The following SHLD1 variants were observed in gnomAD, a reference collection of about 807,000 sequenced individuals.
The protein encoded by SHLD1 is shieldin complex subunit 1, also known as RINN1-REV7-interacting novel NHEJ regulator 3.
In SHLD1, 3 loss-of-function variants were observed where a neutral mutation model predicts 5.5. That is an observed-to-expected ratio of 0.54 (90% CI 0.25 to 1.40). The LOEUF is 1.40. Among genes scored for constraint, SHLD1 ranks in the 40% most tolerant of loss-of-function variants. SHLD1 has a pLI of 0.15. For missense variants in SHLD1, 210 were observed against 244.4 expected, an observed-to-expected ratio of 0.86 and a Z score of 0.94; for synonymous variants, 92 against 94.3, an observed-to-expected ratio of 0.98 and a Z score of 0.14.
intron 2 of SHLD1, among the ~76,000 whole-genome samples, chr20:5,802,661 T>C (rs1248519528): frequency 6.6e-6 from 1 of 152,144 alleles, no homozygotes; most frequent in Non-Finnish European, 1.5e-5. Context: ...TTCTTTTCAT[T>C]TTTTTGACAG....
At chr20:5,780,396 A>G (rs1985633279) in intron 2 of SHLD1, among the ~76,000 whole-genome samples, 1 of 152,170 alleles carries the variant, frequency 6.6e-6, no homozygotes, top group East Asian at 1.9e-4. Context: ...CTGGTGGCAC[A>G]GCACAGCCCA....
At chr20:5,767,088 T>G (rs1984873149) in intron 1 of SHLD1, among the ~76,000 whole-genome samples, 1 of 152,008 alleles carries the variant, frequency 6.6e-6, no homozygotes, top group African/African-American at 2.4e-5. Context: ...CCTTGTTGAC[T>G]CTCAGCTCCT....
intron 2 of SHLD1, among the ~76,000 whole-genome samples, chr20:5,814,879 C>T (rs574332447): frequency 6.6e-6 from 1 of 152,108 alleles, no homozygotes; most frequent in South Asian, 2.1e-4. Context: ...TCTCGAATTC[C>T]TGGGCTCAAG....
chr20:5,794,606 G>A (rs929089253), intron 2 of SHLD1, among the ~76,000 whole-genome samples: 10 of 152,118 alleles, frequency 6.6e-5, no homozygotes, highest in African/African-American at 1.2e-4. Context: ...TGAGTGTCAT[G>A]TATATTTGTC....
intron 2 of SHLD1, among the ~76,000 whole-genome samples, chr20:5,825,384 G>A (rs1306672320): frequency 1.3e-5 from 2 of 152,236 alleles, no homozygotes; most frequent in African/African-American, 2.4e-5. Flanking sequence ...TGGAGTCCTC[G>A]TTACAGTCTT....
intron 2 of SHLD1, among the ~76,000 whole-genome samples, chr20:5,860,876 TAAAAAAAAAAAAAAAAAAAAAA>T (rs10555301): frequency 3.0e-5 from 3 of 100,788 alleles, no homozygotes; most frequent in African/African-American, 3.6e-5. Context: ...TACTATTCTT[TAAAAAAAAAAAAAAAAAAAAAA>T]AAAAAAAAAA....
chr20:5,771,755 C>G, intron 1 of SHLD1: 1 of 185,856 alleles, frequency 5.4e-6, no homozygotes, highest in Non-Finnish European at 1.1e-5. Flanking sequence ...ACATGAATTT[C>G]TTTTTCCTTC....
intron 2 of SHLD1, among the ~76,000 whole-genome samples, chr20:5,823,360 C>T (rs2122417863): frequency 6.6e-6 from 1 of 152,190 alleles, no homozygotes; most frequent in Middle Eastern, 3.4e-3. Context: ...TGGTCTCAAA[C>T]TCCTGACCTC....
chr20:5,860,217 GCTTT>G (rs1033505151), intron 2 of SHLD1, among the ~76,000 whole-genome samples: 1 of 152,082 alleles, frequency 6.6e-6, no homozygotes, highest in Non-Finnish European at 1.5e-5. Flanking sequence ...TCTCCCTTCA[GCTTT>G]CTAACAGCAG....
At chr20:5,832,635 T>C (rs1568524005) in intron 2 of SHLD1, among the ~76,000 whole-genome samples, 1 of 151,968 alleles carries the variant, frequency 6.6e-6, no homozygotes, top group Non-Finnish European at 1.5e-5. Context: ...GTTTGGCTAG[T>C]ATATACATTA....
intron 2 of SHLD1, among the ~76,000 whole-genome samples, chr20:5,824,309 C>G (rs531623180): frequency 5.4e-4 from 83 of 152,344 alleles, no homozygotes; most frequent in Non-Finnish European, 1.0e-3. Context: ...TTCCAAGAAG[C>G]CTTCTTGCCT....
intron 2 of SHLD1, among the ~76,000 whole-genome samples, chr20:5,791,687 A>G (rs924527357): frequency 1.3e-5 from 2 of 152,092 alleles, no homozygotes; most frequent in African/African-American, 2.4e-5. Context: ...CCATGTGAAG[A>G]GAATGAAAAG....
chr20:5,767,833 TTAA>T (rs1984927631), intron 1 of SHLD1, among the ~76,000 whole-genome samples: 1 of 152,154 alleles, frequency 6.6e-6, no homozygotes, highest in African/African-American at 2.4e-5. Context: ...TTTCCAGAGC[TTAA>T]TTAAAGAGTC....
intron 2 of SHLD1, among the ~76,000 whole-genome samples, chr20:5,784,292 C>T (rs1163744994): frequency 1.3e-5 from 2 of 152,012 alleles, no homozygotes; most frequent in Non-Finnish European, 2.9e-5. Flanking sequence ...CTGGGTGACC[C>T]TCTGTGCAGA....
chr20:5,833,857 A>G (rs1313174365), intron 2 of SHLD1, among the ~76,000 whole-genome samples: 2 of 152,194 alleles, frequency 1.3e-5, no homozygotes, highest in Non-Finnish European at 2.9e-5. Context: ...GAAAAGAAAC[A>G]TAATTTAGAT....
At chr20:5,779,574 C>T (rs1985594117) in intron 2 of SHLD1, among the ~76,000 whole-genome samples, 1 of 152,308 alleles carries the variant, frequency 6.6e-6, no homozygotes, top group Non-Finnish European at 1.5e-5. Context: ...GGCCACCATT[C>T]TATCTCAGAT....
chr20:5,761,018 C>T (rs1239634910), intron 1 of SHLD1, among the ~76,000 whole-genome samples: 1 of 151,844 alleles, frequency 6.6e-6, no homozygotes, highest in Admixed American at 6.6e-5. Context: ...AAGTTTAGGA[C>T]ATTAACAAGA....
intron 2 of SHLD1, among the ~76,000 whole-genome samples, chr20:5,814,017 G>T (rs2087495339): frequency 1.5e-5 from 2 of 132,418 alleles, no homozygotes; most frequent in Admixed American, 1.8e-4. Flanking sequence ...CAGTGGCACA[G>T]TCTCAGCTCA....
chr20:5,796,073 A>G (rs1263724109), intron 2 of SHLD1, among the ~76,000 whole-genome samples: 1 of 152,160 alleles, frequency 6.6e-6, no homozygotes, highest in African/African-American at 2.4e-5. Flanking sequence ...AGAATTCTCT[A>G]TGTAAAGATT....
Sources: gnomAD v4.1 joint callset for allele counts (sites outside exome capture counted in the v4.1 genomes callset) on GRCh38, gnomAD v4.1.1 for gene constraint, MANE v1.5 for transcripts, NCBI Gene and HGNC (gene_info 2026-07-23, HGNC 2026-07-21) for gene names.